The following EHBP1 variants were observed in gnomAD, a reference collection of about 807,000 sequenced individuals.
The protein encoded by EHBP1 is EH domain binding protein 1, also known as EH domain-binding protein 1.
In EHBP1, 55 loss-of-function variants were observed where a neutral mutation model predicts 144.0. The observed-to-expected ratio is 0.38, with a 90% confidence interval of 0.31 to 0.48. The LOEUF (loss-of-function observed/expected upper bound fraction) is 0.48, where lower values mean the gene tolerates loss of function less well. Ranked by LOEUF, EHBP1 falls within the 20% of genes least tolerant of loss-of-function variation. EHBP1 has a pLI of 0.98. For synonymous variants in EHBP1, 469 were observed against 472.7 expected (o/e 0.99, Z 0.10); for missense variants, 1,200 against 1,364.2 (o/e 0.88, Z 1.90).
At chr2:62,699,380 T>C (rs2034205722) in intron 1 of EHBP1, among the ~76,000 whole-genome samples, 1 of 152,234 alleles carries the variant, frequency 6.6e-6, no homozygotes, top group Admixed American at 6.5e-5. Context: ...ATGAATTTAT[T>C]GAATTTAGCA....
chr2:62,990,127 C>A (rs983121094), intron 15 of EHBP1, among the ~76,000 whole-genome samples: 3 of 151,800 alleles, frequency 2.0e-5, no homozygotes, highest in African/African-American at 7.3e-5. Flanking sequence ...TAATACATTC[C>A]AAAAATGTAA....
chr2:62,778,800 T>A (rs2042224698), intron 5 of EHBP1, among the ~76,000 whole-genome samples: 1 of 152,208 alleles, frequency 6.6e-6, no homozygotes, highest in South Asian at 2.1e-4. Flanking sequence ...ATAACAATTC[T>A]GATAAATTAC....
At chr2:62,683,225 C>T (rs1043497690) in intron 1 of EHBP1, among the ~76,000 whole-genome samples, 1 of 152,158 alleles carries the variant, frequency 6.6e-6, no homozygotes, top group Non-Finnish European at 1.5e-5. Flanking sequence ...CCCCCAGAAG[C>T]TCCAGGTTTA....
chr2:62,675,971 G>A (rs977396931), intron 1 of EHBP1, among the ~76,000 whole-genome samples: 33 of 152,126 alleles, frequency 2.2e-4, no homozygotes, highest in African/African-American at 7.2e-4. Flanking sequence ...GCCCAGGCTG[G>A]GCTTGAACTC....
chr2:62,799,827 T>G (rs1419021024), intron 5 of EHBP1, among the ~76,000 whole-genome samples: 2 of 152,130 alleles, frequency 1.3e-5, no homozygotes, highest in African/African-American at 4.8e-5. Flanking sequence ...ACTCTAACAG[T>G]GGTGTTTTAT....
intron 15 of EHBP1, among the ~76,000 whole-genome samples, chr2:62,982,482 T>G (rs917205870): frequency 6.6e-6 from 1 of 152,182 alleles, no homozygotes; most frequent in African/African-American, 2.4e-5. Context: ...GTCTACTTTC[T>G]AAGTAAAAAT....
At chr2:63,016,762 G>A (rs2060502062) in intron 19 of EHBP1, among the ~76,000 whole-genome samples, 1 of 152,026 alleles carries the variant, frequency 6.6e-6, no homozygotes, top group Non-Finnish European at 1.5e-5. Flanking sequence ...TATGCAGAAG[G>A]TAAAAAAGCA....
rs991771261 is a variant in EHBP1 at position 62,993,589 on chromosome 2, T to A, written c.2793T>A (p.Asn931Lys). The A allele has an allele frequency of 6.2e-7, 1 of 1,609,862 alleles. No homozygotes were observed. The highest frequency in any genetic ancestry group is 1.3e-5 in the African/African-American group (1 of 74,804). Reference protein sequence around the residue: ...RLQKTTERFRNPVVFSKDSTV... With the variant: ...RLQKTTERFRKPVVFSKDSTV... ...AAAAAACAACAGAACGTTTTAGAAA[T>A]CCTGTTGTGTTCAGCAAAGATTCTA... The change falls in exon 17 of 23, where the codon AAT becomes AAA. Residue 931 changes from asparagine (N) to lysine (K), a missense_variant. Physicochemically the swap from Asn to Lys is moderately conservative, Grantham distance 94. This residue lies in a region of EHBP1 where 543 missense variants were observed against 513.1 expected (regional missense o/e 1.06). Coordinates refer to ENST00000431489, the MANE Select transcript of EHBP1 (RefSeq NM_001142616.3).
At chr2:62,841,225 T>G (rs1401013906) in intron 7 of EHBP1, among the ~76,000 whole-genome samples, 1 of 151,586 alleles carries the variant, frequency 6.6e-6, no homozygotes, top group Non-Finnish European at 1.5e-5. Flanking sequence ...GCATTCTCAG[T>G]AAACTATCGC....
intron 5 of EHBP1, among the ~76,000 whole-genome samples, chr2:62,812,889 GA>G (rs1320372306): frequency 6.6e-6 from 1 of 152,220 alleles, no homozygotes; most frequent in Non-Finnish European, 1.5e-5. Context: ...GCCATTTGAA[GA>G]GTGAAAAGGC....
chr2:62,858,336 A>C, intron 7 of EHBP1: 2 of 982,874 alleles, frequency 2.0e-6, no homozygotes, highest in Non-Finnish European at 1.6e-6. Context: ...TTTGGGTAAC[A>C]GCATGCTCCT....
intron 5 of EHBP1, among the ~76,000 whole-genome samples, chr2:62,781,230 G>A (rs1013353499): frequency 6.6e-6 from 1 of 152,092 alleles, no homozygotes. Context: ...TCTATTGAAA[G>A]TGATATATAA....
At position 62,889,342 on chromosome 2, in the gene EHBP1, G is replaced by A. The variant is rs907381994; in HGVS notation, c.1185+14810G>A. On this transcript the variant is annotated intron_variant, in intron 10 of 22. Coordinates refer to ENST00000431489, the MANE Select transcript of EHBP1 (RefSeq NM_001142616.3). The stretch of plus-strand genomic sequence containing the variant: ...GTTTGCAAAAATTTTCTCCCATTCT[G>A]TAAGTTGTCTGTTTACTCTATTGAT... 4.0e-5 allele frequency among the ~76,000 whole-genome samples: 6 copies of A among 151,722 alleles called. No individual in the cohort carries two copies. The East Asian group carries it at 5.8e-4, about 15-fold the overall frequency.
intron 20 of EHBP1, among the ~76,000 whole-genome samples, chr2:63,038,263 A>G (rs1442695835): frequency 6.6e-6 from 1 of 152,082 alleles, no homozygotes; most frequent in Non-Finnish European, 1.5e-5. Flanking sequence ...ATTTTAGTGA[A>G]AAAGTCTAAT....
At chr2:62,780,463 A>G (rs960364377) in intron 5 of EHBP1, among the ~76,000 whole-genome samples, 1 of 152,210 alleles carries the variant, frequency 6.6e-6, no homozygotes, top group East Asian at 1.9e-4. Context: ...AATTTCATAT[A>G]TATATATCTC....
chr2:63,020,718 G>A (rs912971582), intron 19 of EHBP1, among the ~76,000 whole-genome samples: 28 of 150,258 alleles, frequency 1.9e-4, no homozygotes, highest in African/African-American at 4.9e-4. Flanking sequence ...TTGCTCAGTC[G>A]CCTAGGCTGG....
chr2:62,743,451 T>A (rs911576769), intron 2 of EHBP1, among the ~76,000 whole-genome samples: 19 of 152,094 alleles, frequency 1.2e-4, no homozygotes, highest in Non-Finnish European at 1.8e-4. Context: ...TAATGGTCTG[T>A]CTCCCCACTA....
At chr2:62,878,497 G>A (rs2051083499) in intron 10 of EHBP1, among the ~76,000 whole-genome samples, 1 of 152,020 alleles carries the variant, frequency 6.6e-6, no homozygotes, top group South Asian at 2.1e-4. Flanking sequence ...CCAAAACTTG[G>A]CAAAGACACA....
chr2:62,794,423 A>G (rs1419373219), intron 5 of EHBP1, among the ~76,000 whole-genome samples: 6 of 152,084 alleles, frequency 3.9e-5, no homozygotes, highest in Non-Finnish European at 7.4e-5. Flanking sequence ...TACATTTCTC[A>G]CTAACTCTTC....
Sources: allele counts gnomAD v4.1 joint callset (sites outside exome capture counted in the v4.1 genomes callset), GRCh38; gene constraint gnomAD v4.1.1; regional missense constraint gnomAD v4.1.1; transcripts MANE v1.5; gene names NCBI Gene and HGNC (gene_info 2026-07-23, HGNC 2026-07-21).